Variants in NKAIN2 observed in about 807,000 individuals in gnomAD.
The protein encoded by NKAIN2 is sodium/potassium-transporting ATPase subunit beta-1-interacting protein 2.
A neutral mutation model predicts 32.6 loss-of-function variants in NKAIN2; 14 were observed. The observed-to-expected ratio is 0.43, with a 90% CI of 0.28 to 0.67. NKAIN2 has a LOEUF of 0.67. NKAIN2 is among the 30% of genes least tolerant of loss of function. The pLI is 0.17. For missense variants in NKAIN2, 198 were observed against 258.3 expected, an observed-to-expected ratio of 0.77 and a Z score of 1.60; for synonymous variants, 80 against 87.2, an observed-to-expected ratio of 0.92 and a Z score of 0.46.
intron 1 of NKAIN2, among the ~76,000 whole-genome samples, chr6:124,273,566 A>G (rs1443750310): frequency 1.3e-5 from 2 of 152,190 alleles, no homozygotes; most frequent in Non-Finnish European, 2.9e-5. Context: ...TCATAGTGTA[A>G]AACTAATTCT....
intron 1 of NKAIN2, 47 bp downstream of exon 1, chr6:123,804,301 A>G (rs1177400871): frequency 1.3e-6 from 2 of 1,506,804 alleles, no homozygotes; most frequent in Admixed American, 1.7e-5. Flanking sequence ...TCTTTGAGAT[A>G]GTGGGCAGGG....
chr6:124,188,761 T>A (rs953843805), intron 1 of NKAIN2, among the ~76,000 whole-genome samples: 1 of 152,182 alleles, frequency 6.6e-6, no homozygotes, highest in African/African-American at 2.4e-5. Flanking sequence ...AGCCTATTGG[T>A]CAATAGTTTG....
chr6:124,261,125 A>G (rs1157175087), intron 1 of NKAIN2, among the ~76,000 whole-genome samples: 6 of 152,204 alleles, frequency 3.9e-5, no homozygotes, highest in Admixed American at 3.3e-4. Flanking sequence ...TGATGTGGTT[A>G]TTCAGGTCTC....
At chr6:124,060,428 A>G (rs972786578) in intron 1 of NKAIN2, among the ~76,000 whole-genome samples, 1 of 152,168 alleles carries the variant, frequency 6.6e-6, no homozygotes, top group Non-Finnish European at 1.5e-5. Context: ...TTGAAGCTGC[A>G]TAGAAAAGAG....
intron 3 of NKAIN2, among the ~76,000 whole-genome samples, chr6:124,579,754 C>G (rs2325853): frequency 0.025 from 3,833 of 152,060 alleles, 180 homozygotes; most frequent in African/African-American, 0.087. Context: ...CATATTTAAC[C>G]CAAATAAGAC....
At position 124,085,460 on chromosome 6, in the gene NKAIN2, C is replaced by A. The variant is rs562401994; in HGVS notation, c.55-197545C>A. On this transcript the variant is annotated intron_variant, in intron 1 of 6. Transcript: ENST00000368417. ...GCAGAAAAGTTGGAGGATAGGTAGG[C>A]AGTGGCCCTTTGTGTTTGTCAAAGT... is the stretch of plus-strand genomic sequence containing the variant. Among the ~76,000 whole-genome samples, 3 of 151,488 alleles carry A rather than the reference C, an allele frequency of 2.0e-5. No homozygotes were observed. In the East Asian group the frequency reaches 5.8e-4, roughly 29 times the overall value.
chr6:123,833,370 G>A (rs1368564910), intron 1 of NKAIN2, among the ~76,000 whole-genome samples: 2 of 152,112 alleles, frequency 1.3e-5, no homozygotes, highest in African/African-American at 4.8e-5. Flanking sequence ...GCTGGGTGGT[G>A]TCAGTCCTCT....
chr6:123,880,268 G>A (rs1773387405), intron 1 of NKAIN2, among the ~76,000 whole-genome samples: 1 of 152,338 alleles, frequency 6.6e-6, no homozygotes, highest in South Asian at 2.1e-4. Context: ...TGCCATTTGG[G>A]TGTGGCATAG....
chr6:123,913,679 A>G (rs551364589), intron 1 of NKAIN2, among the ~76,000 whole-genome samples: 1 of 152,272 alleles, frequency 6.6e-6, no homozygotes, highest in East Asian at 1.9e-4. Context: ...CTTTATACAA[A>G]TATTATTTGT....
chr6:124,162,689 G>A (rs1391760639), intron 1 of NKAIN2, among the ~76,000 whole-genome samples: 1 of 152,040 alleles, frequency 6.6e-6, no homozygotes, highest in African/African-American at 2.4e-5. Context: ...AAGAGAGAAG[G>A]AGTCCTAGTG....
intron 1 of NKAIN2, among the ~76,000 whole-genome samples, chr6:124,208,517 T>C (rs1232098371): frequency 6.6e-6 from 1 of 151,732 alleles, no homozygotes; most frequent in African/African-American, 2.4e-5. Context: ...TATACTGATA[T>C]AAATATATGT....
rs148739402 is a variant in NKAIN2, at chr6:124,582,738, C to A, written c.274-75448C>A. ...AACTCCTCAGCAAAATACTAGGAAACCAAATTCAATAACACATTAAGCAAA... is the reference window on the plus strand; with the variant it reads ...AACTCCTCAGCAAAATACTAGGAAAACAAATTCAATAACACATTAAGCAAA... On this transcript the variant is annotated intron_variant, in intron 3 of 6. Coordinates refer to ENST00000368417, the MANE Select transcript of NKAIN2 (RefSeq NM_001040214.3). Among the ~76,000 whole-genome samples the A allele has an allele frequency of 2.4e-3, 360 of 152,118 alleles. 1 individual carries two copies. The highest frequency in any genetic ancestry group is 8.2e-3 in the African/African-American group (342 of 41,504).
At chr6:124,419,313 C>T (rs964932412) in intron 3 of NKAIN2, among the ~76,000 whole-genome samples, 3 of 152,140 alleles carry the variant, frequency 2.0e-5, no homozygotes, top group African/African-American at 7.2e-5. Context: ...GAAACAGTGA[C>T]TCTGAAGTCT....
chr6:123,949,315 G>A (rs1415273794), intron 1 of NKAIN2, among the ~76,000 whole-genome samples: 1 of 151,834 alleles, frequency 6.6e-6, no homozygotes, highest in African/African-American at 2.4e-5. Context: ...AATAGTAGTA[G>A]TATTTTTTCT....
At chr6:124,191,233 A>T (rs950768377) in intron 1 of NKAIN2, among the ~76,000 whole-genome samples, 1 of 152,108 alleles carries the variant, frequency 6.6e-6, no homozygotes, top group African/African-American at 2.4e-5. Flanking sequence ...TTAATCTTCC[A>T]TTTCATGAAT....
intron 1 of NKAIN2, among the ~76,000 whole-genome samples, chr6:123,954,012 T>TGCCTGGGGCAACTGGGCCTG (rs1777449968): frequency 6.6e-6 from 1 of 152,204 alleles, no homozygotes; most frequent in African/African-American, 2.4e-5. Context: ...ACAGCTTTGC[T>TGCCTGGGGCAACTGGGCCTG]GCCTGGGGCA....
intron 2 of NKAIN2, among the ~76,000 whole-genome samples, chr6:124,327,569 T>C (rs1051094601): frequency 2.6e-5 from 4 of 152,210 alleles, no homozygotes; most frequent in African/African-American, 9.6e-5. Flanking sequence ...TGTGTCTATT[T>C]ACTCAATTTT....
At chr6:124,620,094 A>C (rs576977659) in intron 3 of NKAIN2, among the ~76,000 whole-genome samples, 1 of 147,260 alleles carries the variant, frequency 6.8e-6, no homozygotes, top group Non-Finnish European at 1.5e-5. Context: ...CCTTTGATGT[A>C]ACTGACATAG....
intron 1 of NKAIN2, among the ~76,000 whole-genome samples, chr6:123,919,486 A>G (rs920542730): frequency 6.6e-6 from 1 of 152,140 alleles, no homozygotes. Flanking sequence ...AAATTCCAAA[A>G]GTAATTAGCT....
Sources: gnomAD v4.1 joint callset for allele counts (sites outside exome capture counted in the v4.1 genomes callset) on GRCh38, gnomAD v4.1.1 for gene constraint, MANE v1.5 for transcripts, NCBI Gene and HGNC (gene_info 2026-07-23, HGNC 2026-07-21) for gene names.